Variants in NARS2 observed in about 807,000 individuals in gnomAD.
NARS2 encodes asparaginyl-tRNA synthetase 2, mitochondrial.
Under a neutral mutation model 62.9 loss-of-function variants are expected in NARS2, and 60 were observed. That is an observed-to-expected ratio of 0.95 (90% confidence interval 0.77 to 1.18). The LOEUF (loss-of-function observed/expected upper bound fraction) is 1.18, where lower values mean the gene tolerates loss of function less well. NARS2 is among the 50% of genes most tolerant of loss of function. NARS2 has a pLI of 0.00. For synonymous variants in NARS2, 196 were observed against 200.0 expected (o/e 0.98, Z 0.17); for missense variants, 619 against 576.4 (o/e 1.07, Z -0.76).
chr11:78,449,310 G>A (rs927267603), intron 11 of NARS2, among the ~76,000 whole-genome samples: 7 of 151,268 alleles, frequency 4.6e-5, no homozygotes, highest in African/African-American at 1.7e-4. Flanking sequence ...TAATTTTTTT[G>A]TATTTTTAGT....
intron 13 of NARS2, among the ~76,000 whole-genome samples, chr11:78,440,080 T>C (rs1234994974): frequency 6.6e-6 from 1 of 152,238 alleles, no homozygotes; most frequent in Non-Finnish European, 1.5e-5. Flanking sequence ...TAATTTATTT[T>C]TTGAGACGGA....
chr11:78,486,572 T>C, intron 7 of NARS2, among the ~76,000 whole-genome samples: 1 of 152,134 alleles, frequency 6.6e-6, no homozygotes, highest in East Asian at 1.9e-4. Context: ...CAATAGAAAG[T>C]AAAATAAAAC....
intron 11 of NARS2, among the ~76,000 whole-genome samples, chr11:78,446,471 G>C (rs907227601): frequency 1.3e-5 from 2 of 152,158 alleles, no homozygotes; most frequent in African/African-American, 2.4e-5. Context: ...CTTGCTTTTA[G>C]ATATGGCTAA....
At chr11:78,548,452 AT>A (rs1855962445) in intron 5 of NARS2, among the ~76,000 whole-genome samples, 2 of 152,212 alleles carry the variant, frequency 1.3e-5, no homozygotes, top group Non-Finnish European at 2.9e-5. Context: ...ATAAAAATGT[AT>A]AAGCACCAGA....
chr11:78,544,408 T>C (rs564278062), intron 5 of NARS2, among the ~76,000 whole-genome samples: 27 of 152,290 alleles, frequency 1.8e-4, no homozygotes, highest in African/African-American at 3.6e-4. Flanking sequence ...ATTAGGTAAA[T>C]TGTATTATTT....
At chr11:78,493,780 T>C (rs1859934272) in intron 6 of NARS2, among the ~76,000 whole-genome samples, 3 of 151,852 alleles carry the variant, frequency 2.0e-5, no homozygotes, top group African/African-American at 4.8e-5. Flanking sequence ...TATAGAAACA[T>C]AACCACTTCT....
At chr11:78,462,967 T>C (rs775057487) in intron 11 of NARS2, among the ~76,000 whole-genome samples, 11 of 152,238 alleles carry the variant, frequency 7.2e-5, no homozygotes, top group African/African-American at 1.4e-4. Flanking sequence ...ATCTGTCTCA[T>C]AGACTTTTAC....
chr11:78,545,524 C>CTTT lies in NARS2; in HGVS notation c.594+14012_594+14014dup, dbSNP rs888860047. On this transcript the variant is annotated intron_variant, in intron 5 of 13. Coordinates refer to ENST00000281038, the MANE Select transcript of NARS2 (RefSeq NM_024678.6). ...TCCCATATGTCCGTCATGCTTTTTC[C>CTTT]TTTTTTTTTTTTTTTTTTGAGACAG... Among the ~76,000 whole-genome samples the CTTT allele has an allele frequency of 3.9e-4, 53 of 134,854 alleles. 1 individual carries two copies. Among genetic ancestry groups the CTTT allele is most frequent in the African/African-American group, 1.3e-3 (46 of 35,316 alleles). The allele number at this position is 134,854 out of a possible 152,430, so 88.5% of individuals were successfully genotyped here.
At chr11:78,512,011 A>C (rs1338741440) in intron 6 of NARS2, among the ~76,000 whole-genome samples, 1 of 152,228 alleles carries the variant, frequency 6.6e-6, no homozygotes, top group African/African-American at 2.4e-5. Context: ...GAACCCCAGA[A>C]GGGGCACAAC....
At chr11:78,568,552 T>G in intron 3 of NARS2, 80 bp downstream of exon 3, 1 of 1,450,684 alleles carries the variant, frequency 6.9e-7, no homozygotes, top group Non-Finnish European at 9.3e-7. Context: ...AAGTTTCATC[T>G]TCCTAATAAT....
chr11:78,465,930 T>C lies in NARS2; in HGVS notation c.1110A>G (p.Pro370=), dbSNP rs766835169. Residue 370 remains proline (P), a synonymous_variant, in exon 11 of 14, where the codon CCA becomes CCG. Coordinates refer to ENST00000281038, the MANE Select transcript of NARS2 (RefSeq NM_024678.6). ...TCATGTAGAAAGGCTTGAGTGTTAA[T>C]GGATAATTAATAACGAAGACAGGTA... The part of the protein sequence containing the change: ...GNIPVFVINY[P]LTLKPFYMRD... 1.9e-6 allele frequency: 3 copies of C among 1,614,098 alleles called. No homozygotes were observed. Among genetic ancestry groups the C allele is most frequent in the Non-Finnish European group, 1.7e-6 (2 of 1,179,998 alleles).
At chr11:78,488,839 A>G (rs962322015) in intron 7 of NARS2, among the ~76,000 whole-genome samples, 8 of 152,196 alleles carry the variant, frequency 5.3e-5, no homozygotes, top group African/African-American at 1.4e-4. Context: ...AAGCAATTCA[A>G]TACATGAAGT....
At chr11:78,524,070 T>C (rs1055565200) in intron 6 of NARS2, among the ~76,000 whole-genome samples, 1 of 152,098 alleles carries the variant, frequency 6.6e-6, no homozygotes, top group African/African-American at 2.4e-5. Flanking sequence ...CTAATAAAGT[T>C]GATCTTCACT....
At chr11:78,461,447 A>G (rs1434575975) in intron 11 of NARS2, among the ~76,000 whole-genome samples, 1 of 151,928 alleles carries the variant, frequency 6.6e-6, no homozygotes, top group Non-Finnish European at 1.5e-5. Flanking sequence ...GCTGATTAGC[A>G]CTGACCGGCC....
At chr11:78,550,700 G>T (rs1590851274) in intron 5 of NARS2, among the ~76,000 whole-genome samples, 1 of 152,234 alleles carries the variant, frequency 6.6e-6, no homozygotes, top group South Asian at 2.1e-4. Context: ...TAAAAATGTT[G>T]AACTTAAGGT....
intron 11 of NARS2, among the ~76,000 whole-genome samples, chr11:78,455,056 A>G (rs1409776564): frequency 6.6e-6 from 1 of 152,210 alleles, no homozygotes; most frequent in Non-Finnish European, 1.5e-5. Flanking sequence ...ATTATAAGCA[A>G]AAGTCCCATA....
At chr11:78,565,726 A>G (rs1164029011) in intron 4 of NARS2, among the ~76,000 whole-genome samples, 1 of 152,230 alleles carries the variant, frequency 6.6e-6, no homozygotes, top group Non-Finnish European at 1.5e-5. Context: ...CAGTGCTCAC[A>G]TGCTGGCTGG....
intron 10 of NARS2, among the ~76,000 whole-genome samples, chr11:78,468,303 TA>T (rs1858709651): frequency 2.6e-5 from 1 of 39,198 alleles, no homozygotes; most frequent in African/African-American, 1.3e-4. Context: ...CTGCAAGCAC[TA>T]AATCTGAAAA....
At chr11:78,548,960 C>A (rs1005208712) in intron 5 of NARS2, among the ~76,000 whole-genome samples, 3 of 152,192 alleles carry the variant, frequency 2.0e-5, no homozygotes, top group African/African-American at 7.2e-5. Flanking sequence ...CCCCTCACAG[C>A]TTGGCAAGAC....
Sources: gnomAD v4.1 joint callset for allele counts (sites outside exome capture counted in the v4.1 genomes callset) on GRCh38, gnomAD v4.1.1 for gene constraint, MANE v1.5 for transcripts, NCBI Gene and HGNC (gene_info 2026-07-23, HGNC 2026-07-21) for gene names.